SORCS3: variants seen among roughly 807,000 people sequenced by gnomAD.
SORCS3 encodes sortilin related VPS10 domain containing receptor 3.
In SORCS3, 57 loss-of-function variants were observed where a neutral mutation model predicts 146.3. That is an observed-to-expected ratio of 0.39 (90% CI 0.31 to 0.49). The LOEUF is 0.49. Among genes scored for constraint, SORCS3 ranks in the 20% least tolerant of loss-of-function variants. The pLI is 0.92. For missense variants in SORCS3, 1,341 were observed against 1,575.5 expected, an observed-to-expected ratio of 0.85 and a Z score of 2.52; for synonymous variants, 653 against 618.5, an observed-to-expected ratio of 1.06 and a Z score of -0.83.
At chr10:105,260,595 A>C (rs1168316628) in intron 25 of SORCS3, among the ~76,000 whole-genome samples, 1 of 152,202 alleles carries the variant, frequency 6.6e-6, no homozygotes, top group Non-Finnish European at 1.5e-5. Context: ...GTAAAAAATA[A>C]TTAGAAGCAA....
At chr10:105,241,625 G>A (rs932598699) in intron 20 of SORCS3, among the ~76,000 whole-genome samples, 4 of 152,152 alleles carry the variant, frequency 2.6e-5, no homozygotes, top group Non-Finnish European at 5.9e-5. Flanking sequence ...GAAGGATGGT[G>A]AAGGCAGAGA....
intron 3 of SORCS3, among the ~76,000 whole-genome samples, chr10:104,929,263 C>A (rs74155066): frequency 0.029 from 4,466 of 152,222 alleles, 216 homozygotes; most frequent in African/African-American, 0.1. Flanking sequence ...GAATACCTGG[C>A]AGAGAGTAGG....
intron 3 of SORCS3, among the ~76,000 whole-genome samples, chr10:104,953,307 A>T (rs1025005712): frequency 6.6e-6 from 1 of 152,152 alleles, no homozygotes; most frequent in Non-Finnish European, 1.5e-5. Flanking sequence ...CATACCCTTG[A>T]TGGGGGGCTA....
intron 14 of SORCS3, among the ~76,000 whole-genome samples, chr10:105,186,283 G>C (rs537924092): frequency 4.6e-5 from 7 of 152,122 alleles, no homozygotes; most frequent in African/African-American, 1.7e-4. Flanking sequence ...AGAATGCCAG[G>C]GCTTTTTATT....
chr10:104,864,631 G>A (rs1378950033), intron 2 of SORCS3, among the ~76,000 whole-genome samples: 9 of 152,086 alleles, frequency 5.9e-5, no homozygotes, highest in African/African-American at 1.9e-4. Flanking sequence ...GTGCTCCAAG[G>A]TCTTTTCATC....
intron 1 of SORCS3, among the ~76,000 whole-genome samples, chr10:104,743,527 G>T (rs141714730): frequency 6.6e-6 from 1 of 152,178 alleles, no homozygotes; most frequent in African/African-American, 2.4e-5. Context: ...AGAAGGCAGT[G>T]GGGGAGATGT....
chr10:104,710,014 A>G (rs954718142), intron 1 of SORCS3, among the ~76,000 whole-genome samples: 1 of 152,032 alleles, frequency 6.6e-6, no homozygotes, highest in African/African-American at 2.4e-5. Flanking sequence ...CATCAGATGT[A>G]TCAACCACCT....
chr10:105,115,009 T>C (rs1323871795), intron 7 of SORCS3, among the ~76,000 whole-genome samples: 1 of 152,126 alleles, frequency 6.6e-6, no homozygotes, highest in Non-Finnish European at 1.5e-5. Flanking sequence ...TTAACAAGTA[T>C]TGGTAGCCAA....
intron 16 of SORCS3, among the ~76,000 whole-genome samples, chr10:105,202,370 T>A (rs2056579296): frequency 6.6e-6 from 1 of 152,124 alleles, no homozygotes; most frequent in Admixed American, 6.6e-5. Context: ...CCTTTATTAA[T>A]CCTGGCTCAT....
chr10:104,814,376 T>G (rs1475765131), intron 1 of SORCS3, among the ~76,000 whole-genome samples: 1 of 152,306 alleles, frequency 6.6e-6, no homozygotes, highest in Non-Finnish European at 1.5e-5. Context: ...GCTTTTACAC[T>G]GACTCACCCT....
Position 104,876,750 on chromosome 10 carries a change from T to TCCTTCCTTC in SORCS3, c.695+33892_695+33893insCTTCCTTCC, listed in dbSNP as rs1564703853. ...TCCTTCCTTCCTTCCTTCCTTCCTT[T>TCCTTCCTTC]CTTTCTTTCTCTTCCTTCCTTCCTT... On this transcript the variant is annotated intron_variant, in intron 2 of 26. Transcript: ENST00000369701. 2.7e-5 allele frequency among the ~76,000 whole-genome samples: 3 copies of TCCTTCCTTC among 111,014 alleles called. No individual in the cohort carries two copies. The Admixed American group carries it at 2.8e-4, about 10-fold the overall frequency. The allele number at this position is 111,014 out of a possible 152,430, so 72.8% of individuals were successfully genotyped here. A position where few individuals can be genotyped will look rare whatever the true frequency, so the allele number is the denominator to read the frequency against.
intron 5 of SORCS3, among the ~76,000 whole-genome samples, chr10:105,081,314 G>A (rs922224576): frequency 6.6e-6 from 1 of 152,120 alleles, no homozygotes; most frequent in Non-Finnish European, 1.5e-5. Flanking sequence ...AAAGGATCTT[G>A]GTCCTGCCAC....
intron 2 of SORCS3, among the ~76,000 whole-genome samples, chr10:104,855,321 A>T (rs2018317985): frequency 6.6e-6 from 1 of 152,052 alleles, no homozygotes; most frequent in Admixed American, 6.6e-5. Context: ...TTCTGTATAT[A>T]TTTTGGAAGA....
At chr10:104,694,020 G>A (rs944896920) in intron 1 of SORCS3, among the ~76,000 whole-genome samples, 1 of 151,856 alleles carries the variant, frequency 6.6e-6, no homozygotes, top group Non-Finnish European at 1.5e-5. Context: ...AGGTTTCTAC[G>A]CAGGACACTT....
At chr10:105,115,934 G>C (rs2055890830) in intron 7 of SORCS3, among the ~76,000 whole-genome samples, 1 of 152,144 alleles carries the variant, frequency 6.6e-6, no homozygotes, top group East Asian at 1.9e-4. Flanking sequence ...CAAAATGAAA[G>C]AGTTACAGAG....
intron 4 of SORCS3, among the ~76,000 whole-genome samples, chr10:104,991,521 A>C (rs1314808591): frequency 8.5e-6 from 1 of 117,846 alleles, no homozygotes; most frequent in Non-Finnish European, 1.7e-5. Context: ...TTTTTTTTTG[A>C]GACAGAGTCT....
chr10:105,170,199 A>G (rs1285520048), intron 13 of SORCS3, among the ~76,000 whole-genome samples: 1 of 152,128 alleles, frequency 6.6e-6, no homozygotes, highest in Non-Finnish European at 1.5e-5. Flanking sequence ...CTGATCCACA[A>G]AAGTTTATCT....
intron 7 of SORCS3, among the ~76,000 whole-genome samples, chr10:105,129,079 A>G (rs1309640678): frequency 6.6e-6 from 1 of 152,012 alleles, no homozygotes; most frequent in African/African-American, 2.4e-5. Context: ...CTCTCTCACC[A>G]TTTTGATTTT....
At chr10:104,916,104 A>G (rs2019023996) in intron 3 of SORCS3, among the ~76,000 whole-genome samples, 172 bp downstream of exon 3, 1 of 152,178 alleles carries the variant, frequency 6.6e-6, no homozygotes, top group African/African-American at 2.4e-5. Flanking sequence ...CTTGATAGTA[A>G]TAATAATAAT....
Sources: allele counts gnomAD v4.1 joint callset (sites outside exome capture counted in the v4.1 genomes callset), GRCh38; gene constraint gnomAD v4.1.1; transcripts MANE v1.5; gene names NCBI Gene and HGNC (gene_info 2026-07-23, HGNC 2026-07-21).